Variants in AKAP13 observed in about 807,000 individuals in gnomAD.
AKAP13 encodes A-kinase anchoring protein 13.
A neutral mutation model predicts 264.5 loss-of-function variants in AKAP13; 80 were observed. The ratio of observed to expected loss-of-function variants is 0.30; its 90% confidence interval spans 0.25 to 0.36. AKAP13 has a LOEUF of 0.36. Ranked by LOEUF, AKAP13 falls within the 10% of genes least tolerant of loss-of-function variation. The pLI, the probability that AKAP13 is intolerant of heterozygous loss-of-function variation, is 1.00. For synonymous variants in AKAP13, 1,380 were observed against 1,250.2 expected (o/e 1.10, Z -2.19); for missense variants, 3,712 against 3,435.2 (o/e 1.08, Z -2.01).
chr15:85,428,643 T>C (rs949624823), intron 1 of AKAP13, among the ~76,000 whole-genome samples: 103 of 152,380 alleles, frequency 6.8e-4, no homozygotes, highest in African/African-American at 2.4e-3. Flanking sequence ...GTACCCATGC[T>C]ACTAATGTCT....
At chr15:85,620,982 A>C (rs1335829411) in intron 8 of AKAP13, among the ~76,000 whole-genome samples, 1 of 152,204 alleles carries the variant, frequency 6.6e-6, no homozygotes, top group Non-Finnish European at 1.5e-5. Context: ...AGGCAGGGGA[A>C]ATTGGAAGTC....
intron 8 of AKAP13, among the ~76,000 whole-genome samples, chr15:85,587,416 C>T (rs1312715033): frequency 2.6e-5 from 4 of 152,074 alleles, no homozygotes; most frequent in South Asian, 2.1e-4. Context: ...AATACTGTTC[C>T]GTTGTATAGA....
chr15:85,647,691 A>G (rs1045272583), intron 10 of AKAP13, among the ~76,000 whole-genome samples: 3 of 152,220 alleles, frequency 2.0e-5, no homozygotes, highest in East Asian at 1.9e-4. Context: ...CACGCCTGTA[A>G]TCCCAGTACT....
chr15:85,454,990 G>A (rs2074235264), intron 1 of AKAP13, among the ~76,000 whole-genome samples: 2 of 152,220 alleles, frequency 1.3e-5, no homozygotes, highest in South Asian at 4.1e-4. Flanking sequence ...TAGATTTCTT[G>A]TCTTCTGTGA....
intron 1 of AKAP13, among the ~76,000 whole-genome samples, chr15:85,470,374 C>CT (rs1212981922): frequency 6.6e-6 from 1 of 152,084 alleles, no homozygotes; most frequent in Non-Finnish European, 1.5e-5. Flanking sequence ...CTGCCAGTGC[C>CT]TTTTTAAAAC....
chr15:85,490,802 C>T (rs1468022747), intron 2 of AKAP13, among the ~76,000 whole-genome samples: 1 of 152,110 alleles, frequency 6.6e-6, no homozygotes, highest in East Asian at 1.9e-4. Flanking sequence ...CTGGTACTTG[C>T]ATTGTAGTGA....
In AKAP13 at chr15:85,727,464, G is replaced by GTGAGT; in HGVS notation, c.7087+5_7087+6insTTGAG. 1 of 1,614,070 alleles carries GTGAGT rather than the reference G, an allele frequency of 6.2e-7. No homozygotes were observed. The highest frequency in any genetic ancestry group is 8.5e-7 in the Non-Finnish European group (1 of 1,179,914). On this transcript the variant is annotated splice_donor_variant, in intron 29 of 36. Transcript: ENST00000394518. LOFTEE classifies it high-confidence loss of function. This position sits in a 1 kb window ranked among gnomAD's most constrained non-coding sequence, Gnocchi z 5.3. ...GACACCAGAGCCCGAGAATTAAAAG[G>GTGAGT]TGAGGCATTGCGAGTGGTCTGAGCC...
intron 1 of AKAP13, among the ~76,000 whole-genome samples, chr15:85,405,878 G>A (rs1464962903): frequency 6.6e-6 from 1 of 150,792 alleles, no homozygotes; most frequent in Non-Finnish European, 1.5e-5. Context: ...ACAGAGTCTT[G>A]CCCCATCGCC....
At position 85,580,904 on chromosome 15, in the gene AKAP13, A is replaced by G. The variant is rs947135264; in HGVS notation, c.2836A>G (p.Thr946Ala). The change falls in exon 7 of 37, where the codon ACT becomes GCT. Residue 946 changes from threonine to alanine, a missense_variant. This residue lies in a region of AKAP13 where 2,759 missense variants were observed against 2,411.7 expected (regional missense o/e 1.14). Transcript: ENST00000394518. Reference protein sequence around the residue: ...SIKENALSSGTLQEEQRTPPP... With the variant: ...SIKENALSSGALQEEQRTPPP... Reference sequence around the variant, plus strand: ...TAAGGAAAATGCTCTCTCTTCAGGAACTTTGCAGGAAGAGCAGAGAACACC... The same window carrying G: ...TAAGGAAAATGCTCTCTCTTCAGGAGCTTTGCAGGAAGAGCAGAGAACACC... 6 of 1,614,092 alleles carry G rather than the reference A, an allele frequency of 3.7e-6. No individual in the cohort carries two copies. Among genetic ancestry groups the G allele is most frequent in the African/African-American group, 1.3e-5 (1 of 74,924 alleles).
At chr15:85,541,662 T>C (rs1034360540) in intron 4 of AKAP13, among the ~76,000 whole-genome samples, 4 of 152,252 alleles carry the variant, frequency 2.6e-5, no homozygotes, top group African/African-American at 9.6e-5. Flanking sequence ...GTGGGCAAGC[T>C]ATTAATTCTA....
chr15:85,642,487 C>A (rs1032926232), intron 9 of AKAP13, among the ~76,000 whole-genome samples: 5 of 152,234 alleles, frequency 3.3e-5, no homozygotes, highest in Admixed American at 1.3e-4. Flanking sequence ...TGAAAACTTA[C>A]CAATTCATGT....
intron 14 of AKAP13, among the ~76,000 whole-genome samples, chr15:85,676,592 T>C (rs2084241972): frequency 6.6e-6 from 1 of 152,184 alleles, no homozygotes; most frequent in African/African-American, 2.4e-5. Flanking sequence ...CAGTGTGTTG[T>C]ATGCAGATCG....
chr15:85,673,328 C>T (rs777676152), intron 14 of AKAP13, among the ~76,000 whole-genome samples: 66 of 152,192 alleles, frequency 4.3e-4, no homozygotes, highest in African/African-American at 1.4e-3. Context: ...CCACAGAGGA[C>T]GGGAAAAGCT....
intron 17 of AKAP13, among the ~76,000 whole-genome samples, chr15:85,703,790 C>T (rs57083670): frequency 0.046 from 6,916 of 151,144 alleles, 243 homozygotes; most frequent in East Asian, 0.17. Context: ...TTGCAGTGAG[C>T]CAAGATCGTA....
chr15:85,432,533 A>G (rs972610324), intron 1 of AKAP13, among the ~76,000 whole-genome samples: 5 of 152,172 alleles, frequency 3.3e-5, no homozygotes, highest in Admixed American at 2.6e-4. Flanking sequence ...ATTCTGGGAA[A>G]GTTTTAAAGT....
Position 85,580,091 on chromosome 15 carries a change from A to G in AKAP13, c.2023A>G (p.Ser675Gly). The change falls in exon 7 of 37, where the codon AGT (serine) becomes GGT (glycine). Residue 675 changes from serine (S) to glycine (G), a missense_variant. Coordinates refer to ENST00000394518, the MANE Select transcript of AKAP13 (RefSeq NM_007200.5). ...SACQQNTVTS[S>G]GDLVAKLCDN... ...ATGTCAACAGAACACAGTGACTTCT[A>G]GTGGCGATTTGGTTGCAAAACTGTG... The G allele has an allele frequency of 6.2e-7, 1 of 1,614,232 alleles. No individual in the cohort carries two copies. Among genetic ancestry groups the G allele is most frequent in the East Asian group, 2.2e-5 (1 of 44,884 alleles).
intron 13 of AKAP13, among the ~76,000 whole-genome samples, chr15:85,666,746 CTT>C (rs2083626156): frequency 6.6e-6 from 1 of 152,130 alleles, no homozygotes; most frequent in Admixed American, 6.6e-5. Context: ...CTAATCATCT[CTT>C]AATTTCTGCT....
intron 2 of AKAP13, among the ~76,000 whole-genome samples, chr15:85,505,551 A>G (rs573016923): frequency 6.6e-6 from 1 of 152,326 alleles, no homozygotes; most frequent in East Asian, 1.9e-4. Flanking sequence ...ATAAAAAGTA[A>G]CCTTAAATGC....
At chr15:85,669,651 A>T in intron 13 of AKAP13, 71 bp from the exon 14 acceptor site, 1 of 1,160,156 alleles carries the variant, frequency 8.6e-7, no homozygotes, top group Non-Finnish European at 1.3e-6. Flanking sequence ...GTCTAATTAT[A>T]AGGTTTTATG....
Sources: allele counts gnomAD v4.1 joint callset (sites outside exome capture counted in the v4.1 genomes callset), GRCh38; gene constraint gnomAD v4.1.1; regional missense constraint gnomAD v4.1.1; non-coding constraint Gnocchi (gnomAD v3.1); transcripts MANE v1.5; gene names NCBI Gene and HGNC (gene_info 2026-07-23, HGNC 2026-07-21).